The following SMARCC1 variants were observed in gnomAD, a reference collection of about 807,000 sequenced individuals.
SMARCC1 encodes the protein SWI/SNF complex subunit SMARCC1.
SMARCC1 carries 43 observed loss-of-function variants against 147.4 expected under a neutral mutation model. The ratio of observed to expected loss-of-function variants is 0.29; its 90% CI spans 0.23 to 0.38. SMARCC1 has a LOEUF of 0.38. SMARCC1 is among the 10% of genes least tolerant of loss of function. SMARCC1 has a pLI of 1.00. For missense variants in SMARCC1, 1,119 were observed against 1,381.1 expected, an observed-to-expected ratio of 0.81 and a Z score of 3.01; for synonymous variants, 495 against 484.4, an observed-to-expected ratio of 1.02 and a Z score of -0.29.
At chr3:47,766,845 G>A (rs2034846279) in intron 2 of SMARCC1, among the ~76,000 whole-genome samples, 1 of 152,066 alleles carries the variant, frequency 6.6e-6, no homozygotes, top group Admixed American at 6.6e-5. Context: ...GATAGAACAA[G>A]AGCCAGCTGT....
At chr3:47,603,126 C>G (rs1271119880) in intron 26 of SMARCC1, among the ~76,000 whole-genome samples, 1 of 151,908 alleles carries the variant, frequency 6.6e-6, no homozygotes, top group Non-Finnish European at 1.5e-5. Flanking sequence ...ACCATCTCAA[C>G]TTAAAGGAGA....
intron 19 of SMARCC1, chr3:47,664,039 A>G: frequency 1.6e-6 from 1 of 617,274 alleles, no homozygotes; most frequent in Non-Finnish European, 2.7e-6. Flanking sequence ...TGAGAGGCCC[A>G]TGCGTCGTTG....
intron 24 of SMARCC1, among the ~76,000 whole-genome samples, chr3:47,625,225 C>T (rs1016537447): frequency 1.3e-5 from 2 of 150,856 alleles, no homozygotes; most frequent in Non-Finnish European, 2.9e-5. Flanking sequence ...TTCAGGAAGC[C>T]GAGGTGGGTG....
chr3:47,653,195 G>C (rs1294263872), intron 21 of SMARCC1, among the ~76,000 whole-genome samples: 3 of 152,094 alleles, frequency 2.0e-5, no homozygotes, highest in Non-Finnish European at 4.4e-5. Context: ...CTGACCTCAT[G>C]ATCCACCCGC....
intron 26 of SMARCC1, among the ~76,000 whole-genome samples, chr3:47,595,039 T>C (rs554798142): frequency 6.6e-6 from 1 of 152,266 alleles, no homozygotes; most frequent in African/African-American, 2.4e-5. Context: ...ATTGGTTTTT[T>C]TTCACTCCAG....
At chr3:47,663,198 T>TGGGGA (rs1425054351) in intron 19 of SMARCC1, among the ~76,000 whole-genome samples, 2 of 10,284 alleles carry the variant, frequency 1.9e-4, no homozygotes, top group Non-Finnish European at 3.4e-4. Flanking sequence ...AGGGGAGGGG[T>TGGGGA]GGGGAGGGGA....
At chr3:47,720,816 A>T (rs2034224094) in intron 6 of SMARCC1, 81 bp from the exon 7 acceptor site, 1 of 1,098,102 alleles carries the variant, frequency 9.1e-7, no homozygotes, top group East Asian at 2.4e-5. Context: ...ATTTTTACTA[A>T]GATGTTTTAG....
chr3:47,780,167 T>TG (rs2035026859), intron 1 of SMARCC1, among the ~76,000 whole-genome samples: 1 of 120,056 alleles, frequency 8.3e-6, no homozygotes, highest in African/African-American at 3.2e-5. Flanking sequence ...GGTTTTTTTT[T>TG]GTTTTTTTTT....
chr3:47,679,207 T>G (rs1444364750), intron 15 of SMARCC1, among the ~76,000 whole-genome samples: 21 of 147,744 alleles, frequency 1.4e-4, no homozygotes, highest in Middle Eastern at 3.2e-3. Flanking sequence ...GGAATGACTT[T>G]GTCTCAAAAA....
intron 5 of SMARCC1, among the ~76,000 whole-genome samples, chr3:47,734,682 G>C (rs1021915828): frequency 1.3e-5 from 2 of 152,168 alleles, no homozygotes; most frequent in Non-Finnish European, 2.9e-5. Context: ...CAAAGTCTCA[G>C]CCTAAAATGA....
At chr3:47,626,108 C>T (rs940805883) in intron 24 of SMARCC1, among the ~76,000 whole-genome samples, 3 of 151,408 alleles carry the variant, frequency 2.0e-5, no homozygotes, top group Non-Finnish European at 2.9e-5. Flanking sequence ...GAGCTGTGAT[C>T]TTGCCACAGC....
intron 21 of SMARCC1, among the ~76,000 whole-genome samples, chr3:47,660,063 T>C (rs2106733692): frequency 6.6e-6 from 1 of 152,204 alleles, no homozygotes; most frequent in South Asian, 2.1e-4. Context: ...CCCCTAGGTA[T>C]ACACCCAACC....
intron 15 of SMARCC1, among the ~76,000 whole-genome samples, chr3:47,679,178 G>A (rs1158725223): frequency 1.4e-5 from 2 of 144,530 alleles, no homozygotes; most frequent in African/African-American, 5.1e-5. Context: ...TCACACCACT[G>A]AACTCCAGCC....
intron 2 of SMARCC1, among the ~76,000 whole-genome samples, chr3:47,759,640 A>AAAG (rs1222067673): frequency 2.7e-5 from 4 of 148,936 alleles, no homozygotes; most frequent in Non-Finnish European, 4.4e-5. Flanking sequence ...AAAAAAAGAA[A>AAAG]AAGAAAAAAT....
chr3:47,686,043 A>G lies in SMARCC1; in HGVS notation c.1385+6T>C, dbSNP rs2033718298. On this transcript the variant is annotated splice_donor_region_variant and intron_variant, in intron 14 of 27. Coordinates refer to ENST00000254480, the MANE Select transcript of SMARCC1 (RefSeq NM_003074.4). ...CCATGCTCACAGATGGAAGTGGTCCACTCACCAGTTATAATCAAACCATGA... is the reference window on the plus strand; with the variant it reads ...CCATGCTCACAGATGGAAGTGGTCCGCTCACCAGTTATAATCAAACCATGA... 3 of 1,612,892 alleles carry G rather than the reference A, an allele frequency of 1.9e-6. No individual in the cohort carries two copies. Among genetic ancestry groups the G allele is most frequent in the East Asian group, 2.2e-5 (1 of 44,832 alleles).
intron 2 of SMARCC1, among the ~76,000 whole-genome samples, chr3:47,749,944 TG>T (rs2034610808): frequency 6.6e-6 from 1 of 150,456 alleles, no homozygotes; most frequent in Non-Finnish European, 1.5e-5. Flanking sequence ...TAGCCGGGCG[TG>T]GTGGCAGGCG....
At chr3:47,772,548 C>T (rs1032424621) in intron 2 of SMARCC1, among the ~76,000 whole-genome samples, 3 of 152,168 alleles carry the variant, frequency 2.0e-5, no homozygotes, top group Non-Finnish European at 4.4e-5. Context: ...AGACTCGGTA[C>T]GGCGAGAGGA....
intron 25 of SMARCC1, among the ~76,000 whole-genome samples, chr3:47,617,742 A>G (rs1395685745): frequency 6.6e-6 from 1 of 152,148 alleles, no homozygotes; most frequent in Non-Finnish European, 1.5e-5. Flanking sequence ...CAAATGACAC[A>G]TTTTGGTTGG....
intron 26 of SMARCC1, among the ~76,000 whole-genome samples, chr3:47,601,142 T>A (rs2032379446): frequency 6.6e-6 from 1 of 151,018 alleles, no homozygotes; most frequent in African/African-American, 2.4e-5. Context: ...TTTTTTTTTT[T>A]AAACAGCAGG....
Sources: gnomAD v4.1 joint callset for allele counts (sites outside exome capture counted in the v4.1 genomes callset) on GRCh38, gnomAD v4.1.1 for gene constraint, MANE v1.5 for transcripts, NCBI Gene and HGNC (gene_info 2026-07-23, HGNC 2026-07-21) for gene names.